SYNPR: variants seen among roughly 807,000 people sequenced by gnomAD.
SYNPR encodes synaptoporin.
SYNPR carries 23 observed loss-of-function variants against 32.9 expected under a neutral mutation model. The observed-to-expected ratio is 0.70, with a 90% CI of 0.50 to 0.99. The LOEUF (loss-of-function observed/expected upper bound fraction) is 0.99, where lower values mean the gene tolerates loss of function less well. SYNPR is among the 50% of genes least tolerant of loss of function. The pLI, the probability that SYNPR is intolerant of heterozygous loss-of-function variation, is 0.00. For missense variants in SYNPR, 318 were observed against 349.3 expected (o/e 0.91, Z 0.71); for synonymous variants, 146 against 135.9 (o/e 1.07, Z -0.52).
chr3:63,528,759 G>A (rs1471861010), intron 3 of SYNPR, among the ~76,000 whole-genome samples: 4 of 151,894 alleles, frequency 2.6e-5, no homozygotes, highest in Non-Finnish European at 5.9e-5. Context: ...GGAGTACTAC[G>A]CGATCTTCCT....
At chr3:63,506,276 G>A (rs952306498) in intron 3 of SYNPR, among the ~76,000 whole-genome samples, 4 of 152,122 alleles carry the variant, frequency 2.6e-5, no homozygotes, top group Non-Finnish European at 4.4e-5. Flanking sequence ...AAGGCCTAAG[G>A]TGACTGATGG....
intron 2 of SYNPR, among the ~76,000 whole-genome samples, chr3:63,322,828 C>T (rs1354145514): frequency 6.6e-6 from 1 of 151,930 alleles, no homozygotes; most frequent in Non-Finnish European, 1.5e-5. Flanking sequence ...TATGTAAGAC[C>T]CACTCACTCA....
At chr3:63,287,242 T>C (rs539924166) in intron 2 of SYNPR, among the ~76,000 whole-genome samples, 10 of 152,210 alleles carry the variant, frequency 6.6e-5, no homozygotes, top group Non-Finnish European at 1.2e-4. Context: ...TTCACATTTC[T>C]TGATGTTTTA....
chr3:63,234,380 A>T (rs934847547), intron 1 of SYNPR, among the ~76,000 whole-genome samples: 1 of 152,190 alleles, frequency 6.6e-6, no homozygotes, highest in African/African-American at 2.4e-5. Flanking sequence ...AAATCATATC[A>T]ATGGGATTGC....
At chr3:63,513,585 A>G (rs972203181) in intron 3 of SYNPR, among the ~76,000 whole-genome samples, 1 of 152,086 alleles carries the variant, frequency 6.6e-6, no homozygotes, top group Non-Finnish European at 1.5e-5. Context: ...CCTTCAATAT[A>G]TCACTTCACA....
chr3:63,413,975 A>G (rs932739405), intron 2 of SYNPR, among the ~76,000 whole-genome samples: 2 of 151,652 alleles, frequency 1.3e-5, no homozygotes, highest in Non-Finnish European at 2.9e-5. Flanking sequence ...AGAAACCCCA[A>G]GAGGAGAGGG....
intron 2 of SYNPR, among the ~76,000 whole-genome samples, chr3:63,320,683 G>T (rs931276254): frequency 4.6e-5 from 7 of 151,962 alleles, no homozygotes; most frequent in South Asian, 2.1e-4. Context: ...AACTCATTGG[G>T]GTAATAGAAC....
At chr3:63,355,727 C>T (rs1025437741) in intron 2 of SYNPR, among the ~76,000 whole-genome samples, 1 of 152,088 alleles carries the variant, frequency 6.6e-6, no homozygotes, top group Admixed American at 6.6e-5. Context: ...GTGCTCAGCC[C>T]CCTTCTCTGC....
chr3:63,384,630 A>G (rs936569839), intron 2 of SYNPR, among the ~76,000 whole-genome samples: 10 of 152,250 alleles, frequency 6.6e-5, no homozygotes, highest in Admixed American at 2.0e-4. Flanking sequence ...TTGAAATGAT[A>G]GAATATACAA....
At chr3:63,211,721 T>TTA in the SYNPR span, among the ~76,000 whole-genome samples, 7 of 141,340 alleles carry the variant, frequency 5.0e-5, no homozygotes, top group Non-Finnish European at 1.1e-4. Flanking sequence ...TTTTTTTTTT[T>TTA]ATTATACTTT....
chr3:63,487,086 A>AG (rs1465567674), intron 3 of SYNPR, among the ~76,000 whole-genome samples: 1 of 152,226 alleles, frequency 6.6e-6, no homozygotes, highest in African/African-American at 2.4e-5. Flanking sequence ...TACAAAAACT[A>AG]GTTATATTTA....
At chr3:63,226,927 G>C (rs2086132450), upstream of SYNPR, among the ~76,000 whole-genome samples, 1 of 152,112 alleles carries the variant, frequency 6.6e-6, no homozygotes, top group Non-Finnish European at 1.5e-5. Flanking sequence ...ACCCTGATCT[G>C]ACTTGATCAT....
chr3:63,383,972 T>C (rs902322645), intron 2 of SYNPR, among the ~76,000 whole-genome samples: 2 of 152,238 alleles, frequency 1.3e-5, no homozygotes, highest in African/African-American at 4.8e-5. Context: ...ATGGCAATAA[T>C]TGTAAGTATA....
rs566429498 is a variant in SYNPR, at chr3:63,518,780, T to C, written c.210-37763T>C. The stretch of plus-strand genomic sequence containing the variant: ...TATTATTATTATTACCATCAGATAG[T>C]GAAATTCAGGGGGACAAGCAACCTG... On this transcript the variant is annotated intron_variant, in intron 3 of 5. Coordinates refer to ENST00000478300, the MANE Select transcript of SYNPR (RefSeq NM_001130003.2). Among the ~76,000 whole-genome samples the C allele has an allele frequency of 2.3e-3, 343 of 152,200 alleles. 2 individuals carry two copies. The highest frequency in any genetic ancestry group is 7.8e-3 in the African/African-American group (325 of 41,526).
intron 2 of SYNPR, among the ~76,000 whole-genome samples, chr3:63,370,780 C>T (rs1021740808): frequency 6.6e-6 from 1 of 152,112 alleles, no homozygotes; most frequent in South Asian, 2.1e-4. Context: ...ATATTTTATG[C>T]TATCAGGTTA....
chr3:63,489,738 C>G lies in SYNPR; in HGVS notation c.209+8782C>G, dbSNP rs114465905. ...ACATATATATGCATATATGCATGTA[C>G]ATATTTTTACAGTTGTAATTTCTAT... On this transcript the variant is annotated intron_variant, in intron 3 of 5. Coordinates refer to ENST00000478300, the MANE Select transcript of SYNPR (RefSeq NM_001130003.2). Among the ~76,000 whole-genome samples the G allele has an allele frequency of 8.6e-3, 1,306 of 152,206 alleles. 14 individuals are homozygous for G. Among genetic ancestry groups the G allele is most frequent in the Middle Eastern group, 0.024 (7 of 294 alleles).
intron 2 of SYNPR, among the ~76,000 whole-genome samples, chr3:63,460,536 A>T (rs1246318368): frequency 7.0e-6 from 1 of 143,264 alleles, no homozygotes; most frequent in Non-Finnish European, 1.5e-5. Context: ...AACATAATCC[A>T]GGCAAAGACA....
At chr3:63,356,291 G>A (rs2087576610) in intron 2 of SYNPR, among the ~76,000 whole-genome samples, 1 of 152,208 alleles carries the variant, frequency 6.6e-6, no homozygotes. Context: ...GGATCAGAAG[G>A]CATCAAGAAT....
intron 3 of SYNPR, among the ~76,000 whole-genome samples, chr3:63,540,483 A>G (rs1239036520): frequency 1.3e-5 from 2 of 152,012 alleles, no homozygotes; most frequent in Non-Finnish European, 1.5e-5. Context: ...GGCTTCGTGG[A>G]GGAAATATAC....
Sources: allele counts gnomAD v4.1 joint callset (sites outside exome capture counted in the v4.1 genomes callset), GRCh38; gene constraint gnomAD v4.1.1; transcripts MANE v1.5; gene names NCBI Gene and HGNC (gene_info 2026-07-23, HGNC 2026-07-21).